Variants in GPC5 observed in about 807,000 individuals in gnomAD.
GPC5 encodes glypican-5.
Under a neutral mutation model 53.9 loss-of-function variants are expected in GPC5, and 47 were observed. The observed-to-expected ratio is 0.87, with a 90% CI of 0.69 to 1.11. The LOEUF is 1.11. Ranked by LOEUF, GPC5 falls within the 50% of genes most tolerant of loss-of-function variation. The probability of loss-of-function intolerance (pLI) is 0.00; values close to 1 mark genes in which losing one functional copy is unlikely to be tolerated. For missense variants in GPC5, 748 were observed against 713.1 expected (o/e 1.05, Z -0.56); for synonymous variants, 286 against 263.3 (o/e 1.09, Z -0.84).
intron 7 of GPC5, among the ~76,000 whole-genome samples, chr13:92,449,508 A>C (rs528894332): frequency 1.1e-3 from 173 of 152,322 alleles, no homozygotes; most frequent in Middle Eastern, 3.4e-3. Flanking sequence ...TGAATACATG[A>C]CTGTATGCTG....
intron 7 of GPC5, among the ~76,000 whole-genome samples, chr13:92,760,614 T>C (rs553362723): frequency 6.6e-6 from 1 of 152,042 alleles, no homozygotes; most frequent in Non-Finnish European, 1.5e-5. Context: ...CCATCTGTTC[T>C]ATTGATTTTT....
chr13:92,011,410 C>A (rs2040660460), intron 6 of GPC5, among the ~76,000 whole-genome samples: 1 of 152,182 alleles, frequency 6.6e-6, no homozygotes, highest in African/African-American at 2.4e-5. Context: ...CACAGGACTA[C>A]CCCTTCCTGA....
chr13:92,697,837 A>G (rs1020448167), intron 7 of GPC5, among the ~76,000 whole-genome samples: 7 of 152,178 alleles, frequency 4.6e-5, no homozygotes, highest in Admixed American at 4.6e-4. Context: ...TGGGTTTGTC[A>G]TAAATAGCTC....
At chr13:92,147,827 G>A (rs1002057163) in intron 7 of GPC5, among the ~76,000 whole-genome samples, 1 of 152,076 alleles carries the variant, frequency 6.6e-6, no homozygotes, top group Non-Finnish European at 1.5e-5. Context: ...GGGATAGCAT[G>A]CTGAAGTAAA....
chr13:91,728,774 A>T (rs2036631949), intron 4 of GPC5, 109 bp downstream of exon 4: 1 of 1,087,974 alleles, frequency 9.2e-7, no homozygotes, highest in South Asian at 2.4e-5. Context: ...ATGGACAAAA[A>T]AAAAAAGGAT....
intron 2 of GPC5, among the ~76,000 whole-genome samples, chr13:91,593,766 AC>A (rs2032892021): frequency 6.6e-6 from 1 of 152,224 alleles, no homozygotes; most frequent in African/African-American, 2.4e-5. Flanking sequence ...AGTGAAAAAA[AC>A]GAATGTTTTC....
chr13:92,590,902 G>A (rs1369322524), intron 7 of GPC5, among the ~76,000 whole-genome samples: 1 of 152,172 alleles, frequency 6.6e-6, no homozygotes, highest in African/African-American at 2.4e-5. Flanking sequence ...TGATAACACT[G>A]TTAGTCTCTT....
intron 7 of GPC5, among the ~76,000 whole-genome samples, chr13:92,210,801 T>A (rs1593999031): frequency 6.6e-6 from 1 of 152,334 alleles, no homozygotes; most frequent in Admixed American, 6.5e-5. Flanking sequence ...ATAGTAAGTC[T>A]GGTTTCTCAA....
At chr13:92,137,393 T>A (rs949591427) in intron 6 of GPC5, among the ~76,000 whole-genome samples, 16 of 152,172 alleles carry the variant, frequency 1.1e-4, no homozygotes, top group African/African-American at 3.9e-4. Context: ...TAGACGCAAA[T>A]GACAGAGTCA....
chr13:92,453,881 G>A (rs139937928), intron 7 of GPC5, among the ~76,000 whole-genome samples: 54 of 152,234 alleles, frequency 3.5e-4, no homozygotes, highest in African/African-American at 1.2e-3. Flanking sequence ...CAAGGGCAGG[G>A]CATGTTATTA....
At chr13:92,304,451 G>A (rs1402349746) in intron 7 of GPC5, among the ~76,000 whole-genome samples, 2 of 152,006 alleles carry the variant, frequency 1.3e-5, no homozygotes, top group African/African-American at 2.4e-5. Flanking sequence ...TGATCCGCCT[G>A]CCTCGGCATC....
chr13:92,130,112 T>A (rs1454568103), intron 6 of GPC5, among the ~76,000 whole-genome samples: 1 of 151,948 alleles, frequency 6.6e-6, no homozygotes, highest in East Asian at 1.9e-4. Flanking sequence ...CTGGAGACAA[T>A]GAAATGGCAT....
At chr13:92,787,725 A>G (rs1209481153) in intron 7 of GPC5, among the ~76,000 whole-genome samples, 1 of 150,590 alleles carries the variant, frequency 6.6e-6, no homozygotes, top group Non-Finnish European at 1.5e-5. Flanking sequence ...AAAAAAATTG[A>G]CTGGTCATGG....
At chr13:92,539,202 G>T (rs1321199233) in intron 7 of GPC5, among the ~76,000 whole-genome samples, 3 of 151,322 alleles carry the variant, frequency 2.0e-5, no homozygotes, top group Non-Finnish European at 1.5e-5. Flanking sequence ...TGGGATCTCT[G>T]GTCAAATGGT....
At chr13:91,849,575 C>T (rs992076139) in intron 5 of GPC5, among the ~76,000 whole-genome samples, 11 of 151,976 alleles carry the variant, frequency 7.2e-5, no homozygotes, top group African/African-American at 2.4e-4. Flanking sequence ...GGTTTAGAGT[C>T]TTACCGGCTT....
chr13:92,206,756 T>A (rs1190211150), intron 7 of GPC5, among the ~76,000 whole-genome samples: 1 of 152,068 alleles, frequency 6.6e-6, no homozygotes, highest in Non-Finnish European at 1.5e-5. Context: ...ATCTGAAAAA[T>A]AAGAGTCAAA....
intron 6 of GPC5, among the ~76,000 whole-genome samples, chr13:91,954,551 C>T (rs992938807): frequency 1.2e-5 from 1 of 86,570 alleles, no homozygotes; most frequent in South Asian, 4.2e-4. Flanking sequence ...TTAACTTCCA[C>T]GTATAAAAAT....
At chr13:91,887,110 A>G (rs1275249354) in intron 5 of GPC5, among the ~76,000 whole-genome samples, 1 of 152,140 alleles carries the variant, frequency 6.6e-6, no homozygotes, top group Non-Finnish European at 1.5e-5. Flanking sequence ...AGGTGTTTCC[A>G]TACATTCTCT....
chr13:91,576,275 G>T (rs1462428825), intron 2 of GPC5, among the ~76,000 whole-genome samples: 1 of 151,194 alleles, frequency 6.6e-6, no homozygotes, highest in East Asian at 1.9e-4. Context: ...CAAAAAAAAT[G>T]ATTAATACAT....
Sources: allele counts gnomAD v4.1 joint callset (sites outside exome capture counted in the v4.1 genomes callset), GRCh38; gene constraint gnomAD v4.1.1; transcripts MANE v1.5; gene names NCBI Gene and HGNC (gene_info 2026-07-23, HGNC 2026-07-21).